The following PGLYRP3 variants were observed in gnomAD, a reference collection of about 807,000 sequenced individuals.
The protein encoded by PGLYRP3 is peptidoglycan recognition protein I alpha.
Under a neutral mutation model 36.0 loss-of-function variants are expected in PGLYRP3, and 39 were observed. The observed-to-expected ratio is 1.08, with a 90% CI of 0.84 to 1.41. PGLYRP3 has a LOEUF of 1.41. Ranked by LOEUF, PGLYRP3 falls within the 40% of genes most tolerant of loss-of-function variation. The pLI is 0.00. For synonymous variants in PGLYRP3, 204 were observed against 172.8 expected, an observed-to-expected ratio of 1.18 and a Z score of -1.42; for missense variants, 407 against 427.9, an observed-to-expected ratio of 0.95 and a Z score of 0.43.
intron 1 of PGLYRP3, among the ~76,000 whole-genome samples, chr1:153,311,237 G>T (rs763670559): frequency 6.6e-6 from 1 of 152,056 alleles, no homozygotes; most frequent in Non-Finnish European, 1.5e-5. Flanking sequence ...ACAGTTGTTC[G>T]ACTAACCTCT....
rs531150054 is a variant in PGLYRP3 at position 153,297,875 on chromosome 1, G to T, written c.*81C>A. 7 of 1,495,458 alleles carry T rather than the reference G, an allele frequency of 4.7e-6. No homozygotes were observed. The highest frequency in any genetic ancestry group is 2.8e-5 in the African/African-American group (2 of 72,362). The allele number at this position is 1,495,458 out of a possible 1,614,324, so 92.6% of individuals were successfully genotyped here. A position where few individuals can be genotyped will look rare whatever the true frequency, so the allele number is the denominator to read the frequency against. ...GGCTGGCAGGGGAGGGGGACACAAG[G>T]TGCTGAGCCACCTTGGCTGGTGAGG... On this transcript the variant is annotated 3_prime_UTR_variant, in exon 8 of 8. Coordinates refer to ENST00000683862, the MANE Select transcript of PGLYRP3 (RefSeq NM_052891.3).
In PGLYRP3 at chr1:153,299,132, G is replaced by A. The variant is rs138898720; in HGVS notation, c.828C>T (p.Ala276=). ...CCTTACCTACAAAGTAGCCGATGAA[G>A]GCAATTCCTAGGGCAATATCGTTGA... The part of the protein sequence containing the change: ...YGFNDIALGI[A]FIGYFVEKPP... The change falls in exon 7 of 8, where the codon GCC becomes GCT. Residue 276 remains alanine (A), a synonymous_variant. Coordinates refer to ENST00000683862, the MANE Select transcript of PGLYRP3 (RefSeq NM_052891.3). 1.1e-4 allele frequency: 179 copies of A among 1,614,074 alleles called. 2 individuals are homozygous for A. In the African/African-American group the frequency reaches 2.1e-3, roughly 19 times the overall value.
chr1:153,307,005 G>A, intron 3 of PGLYRP3, 61 bp downstream of exon 3: 2 of 1,510,508 alleles, frequency 1.3e-6, no homozygotes, highest in Non-Finnish European at 1.8e-6. Context: ...CAGAGAAGGG[G>A]AAGTGGGAAG....
In PGLYRP3 at chr1:153,304,039, T is replaced by C. The variant is rs201377641; in HGVS notation, c.377-30A>G. 1.8e-4 allele frequency: 293 copies of C among 1,592,788 alleles called. 1 individual carries two copies. In the East Asian group the frequency reaches 4.8e-3, roughly 26 times the overall value. ...AAGAGGAGGACAGGGAGCACAAAAA[T>C]GTCAGTAAGAAACTCCACCTAGACC... On this transcript the variant is annotated intron_variant, in intron 4 of 7. Transcript: ENST00000683862.
intron 3 of PGLYRP3, among the ~76,000 whole-genome samples, chr1:153,305,815 G>A (rs963991866): frequency 3.9e-5 from 6 of 152,224 alleles, no homozygotes; most frequent in Non-Finnish European, 7.3e-5. Context: ...GTGGAGCCTG[G>A]TGTGTCCACC....
chr1:153,299,186 C>T lies in PGLYRP3; in HGVS notation c.774G>A (p.Trp258Ter). The T allele has an allele frequency of 3.7e-6, 6 of 1,614,004 alleles. No homozygotes were observed. The highest frequency in any genetic ancestry group is 4.2e-6 in the Non-Finnish European group (5 of 1,179,992). The change falls in exon 7 of 8, where the codon TGG becomes TGA. Residue 258 changes from tryptophan (W) to a stop codon, truncating the protein, a stop_gained. Coordinates refer to ENST00000683862, the MANE Select transcript of PGLYRP3 (RefSeq NM_052891.3). LOFTEE classifies it high-confidence loss of function. ...QDGGVYEGVG[W>*]HIQGSHTYGF... The stretch of plus-strand genomic sequence containing the variant: ...CATAAGTGTGAGAGCCTTGGATGTG[C>T]CATCCAACCCCTTCATACACGCCAC...
rs560340459 is a variant in PGLYRP3 at position 153,301,856 on chromosome 1, A to G, written c.728+553T>C. The stretch of plus-strand genomic sequence containing the variant: ...TGTGTTTCTTTATTACAGACCTGGC[A>G]TTAAAGGTACCAAAAGAAAATGTTT... On this transcript the variant is annotated intron_variant, in intron 6 of 7. Coordinates refer to ENST00000683862, the MANE Select transcript of PGLYRP3 (RefSeq NM_052891.3). Among the ~76,000 whole-genome samples the G allele has an allele frequency of 7.7e-4, 118 of 152,354 alleles. 3 individuals are homozygous for G. In the South Asian group the frequency reaches 0.024, roughly 30 times the overall value.
At chr1:153,302,058 A>T (rs763864632) in intron 6 of PGLYRP3, among the ~76,000 whole-genome samples, 1 of 152,234 alleles carries the variant, frequency 6.6e-6, no homozygotes, top group Non-Finnish European at 1.5e-5. Flanking sequence ...AGACTGAGAT[A>T]GGAGTGAGCA....
At position 153,312,640 on chromosome 1, in the gene PGLYRP3, T is replaced by C. The variant is rs938831060; in HGVS notation, c.-42+3A>G. Among the ~76,000 whole-genome samples the C allele has an allele frequency of 6.7e-6, 1 of 150,276 alleles. No individual in the cohort carries two copies. The highest frequency in any genetic ancestry group is 1.5e-5 in the Non-Finnish European group (1 of 67,478). On this transcript the variant is annotated splice_donor_region_variant and intron_variant, in intron 1 of 7. Transcript: ENST00000683862. ...ACACACACACACTCAAACTCACAGATACCTGTGGGTTCTGTGCTGTTCCAG... is the reference window on the plus strand; with the variant it reads ...ACACACACACACTCAAACTCACAGACACCTGTGGGTTCTGTGCTGTTCCAG...
intron 7 of PGLYRP3, 143 bp downstream of exon 7, chr1:153,298,970 C>G (rs1309528118): frequency 1.5e-6 from 1 of 669,698 alleles, no homozygotes; most frequent in Non-Finnish European, 2.7e-6. Flanking sequence ...TGGTGACATC[C>G]TGTATTAAGA....
At chr1:153,310,816 G>T in intron 1 of PGLYRP3, 110 bp from the exon 2 acceptor site, 1 of 698,266 alleles carries the variant, frequency 1.4e-6, no homozygotes, top group Non-Finnish European at 2.4e-6. Context: ...GGCTTCCTGA[G>T]GGCCAGCACC....
At chr1:153,306,956 A>T (rs1659752258) in intron 3 of PGLYRP3, 110 bp downstream of exon 3, 1 of 1,068,414 alleles carries the variant, frequency 9.4e-7, no homozygotes, top group East Asian at 2.6e-5. Flanking sequence ...TCTATTCATT[A>T]CAAAAGCAAT....
intron 3 of PGLYRP3, among the ~76,000 whole-genome samples, chr1:153,306,039 C>G (rs1262917635): frequency 6.6e-6 from 1 of 152,134 alleles, no homozygotes; most frequent in Non-Finnish European, 1.5e-5. Flanking sequence ...AACACAGCAG[C>G]GACAACAGCA....
Position 153,312,932 on chromosome 1 carries a change from C to T in PGLYRP3, c.-331G>A, listed in dbSNP as rs554784303. ...TGAGGCTCCAAGCCAGCTCTGTTTACAGCACCCAGAGAAACTTAAGTGGGA... is the reference window on the plus strand; with the variant it reads ...TGAGGCTCCAAGCCAGCTCTGTTTATAGCACCCAGAGAAACTTAAGTGGGA... On this transcript the variant is annotated 5_prime_UTR_variant, in exon 1 of 8. Coordinates refer to ENST00000683862, the MANE Select transcript of PGLYRP3 (RefSeq NM_052891.3). Among the ~76,000 whole-genome samples the T allele has an allele frequency of 6.6e-6, 1 of 152,292 alleles. No homozygotes were observed. The highest frequency in any genetic ancestry group is 1.5e-5 in the Non-Finnish European group (1 of 68,012).
At chr1:153,303,770 C>G in intron 5 of PGLYRP3, 87 bp downstream of exon 5, 1 of 1,456,554 alleles carries the variant, frequency 6.9e-7, no homozygotes, top group East Asian at 2.3e-5. Context: ...CCCATGGGGT[C>G]TAACAGGAAA....
intron 2 of PGLYRP3, among the ~76,000 whole-genome samples, chr1:153,307,542 C>T (rs1374607974): frequency 6.6e-6 from 1 of 152,182 alleles, no homozygotes; most frequent in Non-Finnish European, 1.5e-5. Context: ...CCATCCCCTA[C>T]TGCCCCCTGG....
intron 2 of PGLYRP3, among the ~76,000 whole-genome samples, chr1:153,309,925 A>G (rs1188400620): frequency 6.6e-6 from 1 of 152,236 alleles, no homozygotes; most frequent in Non-Finnish European, 1.5e-5. Context: ...CTCTAACACT[A>G]ACTCCAGGTA....
chr1:153,308,972 A>G (rs1016277313), intron 2 of PGLYRP3, among the ~76,000 whole-genome samples: 2 of 147,572 alleles, frequency 1.4e-5, no homozygotes, highest in African/African-American at 4.9e-5. Context: ...TCCCATACCA[A>G]GACAGTTGTG....
chr1:153,301,477 A>T (rs528150282), intron 6 of PGLYRP3, among the ~76,000 whole-genome samples: 3 of 152,334 alleles, frequency 2.0e-5, no homozygotes, highest in African/African-American at 7.2e-5. Context: ...TGAGTGAAAG[A>T]GGAAAACAAA....
Sources: allele counts gnomAD v4.1 joint callset (sites outside exome capture counted in the v4.1 genomes callset), GRCh38; gene constraint gnomAD v4.1.1; transcripts MANE v1.5; gene names NCBI Gene and HGNC (gene_info 2026-07-23, HGNC 2026-07-21).